PCDH15: variants seen among roughly 807,000 people sequenced by gnomAD.
PCDH15 encodes protocadherin related 15, also known as protocadherin-15.
A neutral mutation model predicts 178.5 loss-of-function variants in PCDH15; 129 were observed. That is an observed-to-expected ratio of 0.72 (90% confidence interval 0.63 to 0.84). The LOEUF is 0.84. Among genes scored for constraint, PCDH15 ranks in the 40% least tolerant of loss-of-function variants. PCDH15 has a pLI of 0.00. For missense variants in PCDH15, 2,230 were observed against 2,099.9 expected, an observed-to-expected ratio of 1.06 and a Z score of -1.21; for synonymous variants, 800 against 732.0, an observed-to-expected ratio of 1.09 and a Z score of -1.50.
At chr10:55,111,567 G>C (rs560348937) in intron 2 of PCDH15, among the ~76,000 whole-genome samples, 1 of 152,238 alleles carries the variant, frequency 6.6e-6, no homozygotes, top group African/African-American at 2.4e-5. Context: ...CTTTTTGACG[G>C]GTGCAGTGGC....
chr10:55,347,122 G>T (rs1844783963), intron 2 of PCDH15, among the ~76,000 whole-genome samples: 1 of 152,066 alleles, frequency 6.6e-6, no homozygotes, highest in Admixed American at 6.6e-5. Flanking sequence ...GGCTGTGCTG[G>T]GAGGATTGCT....
At chr10:54,665,071 A>G (rs191817428) in intron 1 of PCDH15, among the ~76,000 whole-genome samples, 189 of 152,064 alleles carry the variant, frequency 1.2e-3, no homozygotes, top group African/African-American at 4.2e-3. Flanking sequence ...AAATTGTGGC[A>G]GACTAGGGAT....
intron 3 of PCDH15, among the ~76,000 whole-genome samples, chr10:54,469,661 A>G (rs569806514): frequency 1.3e-5 from 2 of 152,234 alleles, no homozygotes; most frequent in African/African-American, 4.8e-5. Context: ...CAGCAGGTCT[A>G]TGTAAGCAGG....
chr10:54,429,179 G>C (rs1310527538), intron 3 of PCDH15, among the ~76,000 whole-genome samples: 1 of 152,080 alleles, frequency 6.6e-6, no homozygotes, highest in Admixed American at 6.6e-5. Flanking sequence ...GTTAAAAAGC[G>C]GGGGGAGATT....
At chr10:55,104,874 T>C (rs1842641323) in intron 2 of PCDH15, among the ~76,000 whole-genome samples, 1 of 152,108 alleles carries the variant, frequency 6.6e-6, no homozygotes, top group Non-Finnish European at 1.5e-5. Context: ...CTTCAGGAGA[T>C]CACATTTTAC....
chr10:54,793,703 T>C (rs1374027395), intron 1 of PCDH15, among the ~76,000 whole-genome samples: 1 of 145,712 alleles, frequency 6.9e-6, no homozygotes, highest in Non-Finnish European at 1.5e-5. Context: ...TATATAAACA[T>C]ATATATACAT....
chr10:54,067,562 A>G (rs1218785128), intron 17 of PCDH15, among the ~76,000 whole-genome samples: 2 of 152,162 alleles, frequency 1.3e-5, no homozygotes, highest in Non-Finnish European at 2.9e-5. Context: ...CTTCTGCACA[A>G]TCAATGACTA....
intron 2 of PCDH15, among the ~76,000 whole-genome samples, chr10:55,024,122 A>AAT (rs373895204): frequency 0.082 from 11,530 of 141,122 alleles, 795 homozygotes; most frequent in African/African-American, 0.19. Flanking sequence ...TATAGGAAGG[A>AAT]ATATATATAT....
chr10:53,873,760 CA>C (rs2080030929), intron 26 of PCDH15, among the ~76,000 whole-genome samples: 1 of 152,154 alleles, frequency 6.6e-6, no homozygotes, highest in Admixed American at 6.5e-5. Flanking sequence ...TATGTTGAAA[CA>C]TAATACTCAA....
intron 2 of PCDH15, among the ~76,000 whole-genome samples, chr10:54,629,586 A>G (rs963179604): frequency 6.6e-6 from 1 of 152,110 alleles, no homozygotes; most frequent in Admixed American, 6.6e-5. Context: ...GGCATTAAAC[A>G]TACCTCAAAA....
chr10:54,766,461 A>G (rs527643248), intron 1 of PCDH15, among the ~76,000 whole-genome samples: 1 of 152,138 alleles, frequency 6.6e-6, no homozygotes, highest in African/African-American at 2.4e-5. Context: ...GTTAATTTAT[A>G]TATCATTACT....
At chr10:54,785,014 G>A (rs1230803932) in intron 1 of PCDH15, among the ~76,000 whole-genome samples, 2 of 151,742 alleles carry the variant, frequency 1.3e-5, no homozygotes, top group Non-Finnish European at 2.9e-5. Context: ...CCCTGACCAA[G>A]ACAGGAAGTG....
At chr10:54,245,764 A>G (rs2131992809) in intron 8 of PCDH15, among the ~76,000 whole-genome samples, 1 of 152,134 alleles carries the variant, frequency 6.6e-6, no homozygotes, top group East Asian at 1.9e-4. Flanking sequence ...GAAATCTATC[A>G]CTAGGTTTGA....
At chr10:55,406,795 G>T (rs1449980914) in intron 2 of PCDH15, among the ~76,000 whole-genome samples, 1 of 152,048 alleles carries the variant, frequency 6.6e-6, no homozygotes, top group Non-Finnish European at 1.5e-5. Context: ...AGAGTGAGGT[G>T]TGTTCAATAA....
At chr10:54,290,931 C>A (rs901156557) in intron 8 of PCDH15, among the ~76,000 whole-genome samples, 1 of 152,178 alleles carries the variant, frequency 6.6e-6, no homozygotes, top group Non-Finnish European at 1.5e-5. Context: ...GACTTAGACT[C>A]CCACACAATA....
intron 3 of PCDH15, among the ~76,000 whole-genome samples, chr10:54,402,391 A>G (rs1952042497): frequency 6.6e-6 from 1 of 152,030 alleles, no homozygotes; most frequent in East Asian, 1.9e-4. Flanking sequence ...TATTAACAAC[A>G]AAGAAGAACT....
chr10:54,395,387 A>C (rs1951071838), intron 3 of PCDH15, among the ~76,000 whole-genome samples: 1 of 151,512 alleles, frequency 6.6e-6, no homozygotes, highest in Non-Finnish European at 1.5e-5. Context: ...GATGCTTTCA[A>C]CTTAGTGACT....
At chr10:55,097,845 A>G (rs1402582531) in intron 2 of PCDH15, among the ~76,000 whole-genome samples, 1 of 152,128 alleles carries the variant, frequency 6.6e-6, no homozygotes, top group Non-Finnish European at 1.5e-5. Context: ...AACACTCTGT[A>G]CTTTAAAGAC....
chr10:54,847,111 C>G (rs563931455), intron 3 of PCDH15, among the ~76,000 whole-genome samples: 8 of 152,142 alleles, frequency 5.3e-5, no homozygotes, highest in African/African-American at 1.9e-4. Context: ...ATTTTACTAA[C>G]TGCTCCCTAC....
Sources: allele counts gnomAD v4.1 joint callset (sites outside exome capture counted in the v4.1 genomes callset), GRCh38; gene constraint gnomAD v4.1.1; transcripts MANE v1.5; gene names NCBI Gene and HGNC (gene_info 2026-07-23, HGNC 2026-07-21).